The following PPP2R2C variants were observed in gnomAD, a reference collection of about 807,000 sequenced individuals.
PPP2R2C encodes the protein protein phosphatase 2 regulatory subunit Bgamma, also known as protein phosphatase 2, regulatory subunit B, gamma.
A neutral mutation model predicts 45.3 loss-of-function variants in PPP2R2C; 10 were observed. The ratio of observed to expected loss-of-function variants is 0.22; its 90% CI spans 0.14 to 0.37. The LOEUF (loss-of-function observed/expected upper bound fraction) is 0.37. Ranked by LOEUF, PPP2R2C falls within the 10% of genes least tolerant of loss-of-function variation. The probability of loss-of-function intolerance (pLI) is 1.00; values close to 1 mark genes in which losing one functional copy is unlikely to be tolerated. For missense variants in PPP2R2C, 308 were observed against 619.7 expected (o/e 0.50, Z 5.34); for synonymous variants, 257 against 245.4 (o/e 1.05, Z -0.44).
chr4:6,440,796 G>A (rs899574820), intron 1 of PPP2R2C, among the ~76,000 whole-genome samples: 15 of 152,200 alleles, frequency 9.9e-5, no homozygotes, highest in Admixed American at 3.3e-4. Flanking sequence ...CCCTCTGCTA[G>A]GCTGGGTTCT....
intron 1 of PPP2R2C, among the ~76,000 whole-genome samples, chr4:6,468,643 C>T (rs1276319551): frequency 1.3e-5 from 2 of 152,134 alleles, no homozygotes; most frequent in South Asian, 4.1e-4. Context: ...TGAACCACCT[C>T]CCCTTGGCTG....
At chr4:6,498,355 C>A (rs1426582540) in intron 2 of PPP2R2C, among the ~76,000 whole-genome samples, 1 of 152,214 alleles carries the variant, frequency 6.6e-6, no homozygotes, top group Non-Finnish European at 1.5e-5. Flanking sequence ...TGGTTACTTT[C>A]ATGGGCAGGG....
chr4:6,546,510 T>G (rs1724989439), intron 1 of PPP2R2C, among the ~76,000 whole-genome samples: 4 of 152,266 alleles, frequency 2.6e-5, no homozygotes, highest in Admixed American at 2.6e-4. Flanking sequence ...GGATGTGCAA[T>G]GACTAGCCCA....
intron 5 of PPP2R2C, among the ~76,000 whole-genome samples, chr4:6,354,904 G>A (rs1408379934): frequency 1.3e-5 from 2 of 152,236 alleles, no homozygotes; most frequent in African/African-American, 2.4e-5. Context: ...AACCCAGGTC[G>A]TGTTGGGCAC....
intron 6 of PPP2R2C, among the ~76,000 whole-genome samples, chr4:6,336,962 G>A (rs1442446168): frequency 1.0e-5 from 1 of 97,214 alleles, no homozygotes; most frequent in South Asian, 4.4e-4. Context: ...GCCTGTGGAG[G>A]AGGATGGGTA....
intron 5 of PPP2R2C, chr4:6,350,255 C>T (rs1185438523): frequency 2.0e-6 from 2 of 985,360 alleles, no homozygotes; most frequent in African/African-American, 3.5e-5. Context: ...CCAGCCCTCC[C>T]AGGCCGAATG....
chr4:6,430,233 T>A (rs1005740435), intron 1 of PPP2R2C, among the ~76,000 whole-genome samples: 1 of 152,202 alleles, frequency 6.6e-6, no homozygotes, highest in African/African-American at 2.4e-5. Flanking sequence ...GCACCTGCAC[T>A]GTCCTGCCTG....
intron 1 of PPP2R2C, among the ~76,000 whole-genome samples, chr4:6,413,702 G>A (rs1197420576): frequency 6.6e-6 from 1 of 152,162 alleles, no homozygotes; most frequent in South Asian, 2.1e-4. Context: ...TCCCCTGAGG[G>A]CCAGGGATGA....
intron 2 of PPP2R2C, among the ~76,000 whole-genome samples, chr4:6,508,584 A>C (rs923815533): frequency 6.6e-6 from 1 of 152,066 alleles, no homozygotes; most frequent in Non-Finnish European, 1.5e-5. Context: ...GTGAGACTCC[A>C]TCTCAAAAAA....
intron 1 of PPP2R2C, among the ~76,000 whole-genome samples, chr4:6,397,142 A>G (rs1312451469): frequency 6.6e-6 from 1 of 152,208 alleles, no homozygotes; most frequent in African/African-American, 2.4e-5. Context: ...TACAGCCACA[A>G]GGGCACCCCT....
rs142156051 is a variant in PPP2R2C, at chr4:6,438,738, T to C, written c.70+33422A>G. On this transcript the variant is annotated intron_variant, in intron 1 of 8. Transcript: ENST00000382599. Reference sequence around the variant, plus strand: ...TTGGGATTTTGCAGAATGAGAAGTTTCTCAGGATGTCTCTATTTCATTAGA... The same window carrying C: ...TTGGGATTTTGCAGAATGAGAAGTTCCTCAGGATGTCTCTATTTCATTAGA... Among the ~76,000 whole-genome samples the C allele has an allele frequency of 9.3e-3, 1,422 of 152,358 alleles. 22 individuals carry two copies. Among genetic ancestry groups the C allele is most frequent in the African/African-American group, 0.032 (1,336 of 41,588 alleles).
intron 1 of PPP2R2C, among the ~76,000 whole-genome samples, chr4:6,544,616 A>G (rs1387995758): frequency 6.6e-6 from 1 of 152,178 alleles, no homozygotes; most frequent in East Asian, 1.9e-4. Flanking sequence ...GGATTACAAG[A>G]ATAAGCCAGC....
upstream of PPP2R2C, among the ~76,000 whole-genome samples, chr4:6,474,364 A>C (rs1722061575): frequency 1.3e-5 from 2 of 152,158 alleles, no homozygotes; most frequent in Admixed American, 1.3e-4. Context: ...ATGTGATGGC[A>C]GGAGTGGCCC....
chr4:6,437,707 G>T (rs1173981845), intron 1 of PPP2R2C, among the ~76,000 whole-genome samples: 2 of 152,230 alleles, frequency 1.3e-5, no homozygotes, highest in Non-Finnish European at 2.9e-5. Context: ...TGCAGTTATT[G>T]TCTCTTAACT....
chr4:6,558,327 G>A (rs990411709), intron 1 of PPP2R2C, among the ~76,000 whole-genome samples: 1 of 152,218 alleles, frequency 6.6e-6, no homozygotes, highest in African/African-American at 2.4e-5. Flanking sequence ...CCCTTGCTTG[G>A]GAGAGCCATC....
At chr4:6,338,027 AACACACACACATAC>A in intron 6 of PPP2R2C, among the ~76,000 whole-genome samples, 1 of 151,850 alleles carries the variant, frequency 6.6e-6, no homozygotes, top group African/African-American at 2.4e-5. Flanking sequence ...TACGCACGCA[AACACACACACATAC>A]ACACACACAC....
At chr4:6,504,155 G>A (rs1254368941) in intron 2 of PPP2R2C, among the ~76,000 whole-genome samples, 1 of 152,226 alleles carries the variant, frequency 6.6e-6, no homozygotes, top group Non-Finnish European at 1.5e-5. Flanking sequence ...GGCAGGGAAT[G>A]AGGAGGAAGA....
chr4:6,323,304 A>C lies in PPP2R2C; in HGVS notation c.1342T>G (p.Ter448GluextTer19). The change falls in exon 9 of 9, where the codon TAG (stop) becomes GAG (glutamate). Residue 448 changes from the stop codon to glutamate (E), a stop_lost. Transcript: ENST00000382599. ...FQDKVNSDMH[*>E] ...CAGGGGCCGGGAACTGCACATACCT[A>C]GTGCATGTCAGAGTTTACCTTGTCC... 1 of 1,597,106 alleles carries C rather than the reference A, an allele frequency of 6.3e-7. No individual in the cohort carries two copies.
chr4:6,512,445 G>C (rs1447767373), intron 2 of PPP2R2C, among the ~76,000 whole-genome samples: 1 of 119,852 alleles, frequency 8.3e-6, no homozygotes, highest in East Asian at 2.7e-4. Flanking sequence ...TGATGGTGGC[G>C]GTGGTGGTGG....
Sources: allele counts gnomAD v4.1 joint callset (sites outside exome capture counted in the v4.1 genomes callset), GRCh38; gene constraint gnomAD v4.1.1; transcripts MANE v1.5; gene names NCBI Gene and HGNC (gene_info 2026-07-23, HGNC 2026-07-21).